The following BCAS4 variants were observed in gnomAD, a reference collection of about 807,000 sequenced individuals.
BCAS4 encodes the protein breast carcinoma-amplified sequence 4.
A neutral mutation model predicts 15.7 loss-of-function variants in BCAS4; 9 were observed. The ratio of observed to expected loss-of-function variants is 0.57; its 90% CI spans 0.34 to 1.00. The LOEUF (loss-of-function observed/expected upper bound fraction) is 1.00, where lower values mean the gene tolerates loss of function less well. Ranked by LOEUF, BCAS4 falls within the 50% of genes least tolerant of loss-of-function variation. BCAS4 has a pLI of 0.02. For missense variants in BCAS4, 225 were observed against 239.1 expected (o/e 0.94, Z 0.39); for synonymous variants, 101 against 99.5 (o/e 1.02, Z -0.09).
intron 4 of BCAS4, among the ~76,000 whole-genome samples, chr20:50,865,921 C>A (rs1486169755): frequency 6.6e-6 from 1 of 152,144 alleles, no homozygotes; most frequent in African/African-American, 2.4e-5. Context: ...CTGGAGCAGA[C>A]ACAAACATTG....
At chr20:50,829,330 C>T (rs1461210458) in intron 2 of BCAS4, among the ~76,000 whole-genome samples, 1 of 152,104 alleles carries the variant, frequency 6.6e-6, no homozygotes, top group African/African-American at 2.4e-5. Context: ...GCAACCTCCG[C>T]CTCCCGGGTT....
intron 4 of BCAS4, among the ~76,000 whole-genome samples, chr20:50,845,871 GCCCCCAGAGA>G (rs1229128370): frequency 2.6e-5 from 4 of 152,364 alleles, no homozygotes; most frequent in Non-Finnish European, 4.4e-5. Context: ...CAGAGGCGCA[GCCCCCAGAGA>G]GGGCAGGCTG....
chr20:50,828,876 C>T (rs78812139), intron 2 of BCAS4, among the ~76,000 whole-genome samples: 2 of 152,102 alleles, frequency 1.3e-5, no homozygotes, highest in African/African-American at 2.4e-5. Context: ...CCACGGGGGG[C>T]ACATCAGAAG....
chr20:50,860,704 C>T (rs1445215650), intron 4 of BCAS4, among the ~76,000 whole-genome samples: 8 of 152,110 alleles, frequency 5.3e-5, no homozygotes, highest in African/African-American at 1.2e-4. Flanking sequence ...GGCGAAACCC[C>T]GTCTCTACTA....
At position 50,851,906 on chromosome 20, in the gene BCAS4, T is replaced by G. The variant is rs1313938871; in HGVS notation, c.399+10006T>G. ...CCTCGTTCATTGCCTGGCGGGCACA[T>G]GGCCTCATCTGCATTTTCTCCTGTT... is the stretch of plus-strand genomic sequence containing the variant. On this transcript the variant is annotated intron_variant, in intron 4 of 4. Coordinates refer to ENST00000371608, the MANE Select transcript of BCAS4 (RefSeq NM_198799.4). The surrounding 1 kb of genome is among the most constrained non-coding windows in gnomAD (Gnocchi z 4.3). Among the ~76,000 whole-genome samples the G allele has an allele frequency of 6.6e-6, 1 of 152,234 alleles. No homozygotes were observed. The highest frequency in any genetic ancestry group is 1.9e-4 in the East Asian group (1 of 5,194).
At chr20:50,872,046 G>A (rs1979671133) in intron 4 of BCAS4, among the ~76,000 whole-genome samples, 1 of 150,766 alleles carries the variant, frequency 6.6e-6, no homozygotes, top group Admixed American at 6.6e-5. Context: ...GATCACTTGA[G>A]GTCAGGAGTT....
At chr20:50,831,623 G>C (rs2123792922) in intron 3 of BCAS4, among the ~76,000 whole-genome samples, 1 of 152,236 alleles carries the variant, frequency 6.6e-6, no homozygotes, top group South Asian at 2.1e-4. Flanking sequence ...TCCTGGAAGA[G>C]GAGCATAAGC....
chr20:50,865,225 C>G (rs1057166771), intron 4 of BCAS4, among the ~76,000 whole-genome samples: 2 of 152,130 alleles, frequency 1.3e-5, no homozygotes, highest in African/African-American at 4.8e-5. Flanking sequence ...CCGGCACAAA[C>G]CATCAATTGA....
At chr20:50,852,208 AC>A (rs1186724719) in intron 4 of BCAS4, among the ~76,000 whole-genome samples, 1 of 151,914 alleles carries the variant, frequency 6.6e-6, no homozygotes, top group African/African-American at 2.4e-5. Context: ...CATTCTTCAC[AC>A]CCCAGGAACT....
chr20:50,817,718 A>AT (rs1402508461), intron 1 of BCAS4, among the ~76,000 whole-genome samples: 27 of 151,566 alleles, frequency 1.8e-4, no homozygotes, highest in Admixed American at 1.5e-3. Context: ...CGCCTCACAC[A>AT]TTTTTTTTGG....
chr20:50,804,286 G>A (rs1246627145), intron 1 of BCAS4, among the ~76,000 whole-genome samples: 1 of 152,128 alleles, frequency 6.6e-6, no homozygotes, highest in African/African-American at 2.4e-5. Context: ...TGATCTGCCC[G>A]CCTGGGCCTC....
chr20:50,802,445 G>C (rs1190143220), intron 1 of BCAS4, among the ~76,000 whole-genome samples: 1 of 152,190 alleles, frequency 6.6e-6, no homozygotes, highest in Non-Finnish European at 1.5e-5. Flanking sequence ...CCCAGGAGTG[G>C]GGGGAGCCTT....
intron 2 of BCAS4, among the ~76,000 whole-genome samples, chr20:50,821,056 C>T (rs900044144): frequency 1.1e-4 from 16 of 152,214 alleles, no homozygotes; most frequent in African/African-American, 2.4e-4. Context: ...GGCAAGCAAG[C>T]GACCACCTGC....
At position 50,851,884 on chromosome 20, in the gene BCAS4, C is replaced by T. The variant is rs1380289766; in HGVS notation, c.399+9984C>T. Among the ~76,000 whole-genome samples the T allele has an allele frequency of 6.6e-6, 1 of 152,270 alleles. No individual in the cohort carries two copies. The highest frequency in any genetic ancestry group is 1.5e-5 in the Non-Finnish European group (1 of 68,046). ...TCTGGGGTCCCCTAACCCAAACCCT[C>T]GTTCATTGCCTGGCGGGCACATGGC... On this transcript the variant is annotated intron_variant, in intron 4 of 4. Transcript: ENST00000371608. This position sits in a 1 kb window ranked among gnomAD's most constrained non-coding sequence, Gnocchi z 4.3.
intron 3 of BCAS4, among the ~76,000 whole-genome samples, chr20:50,838,635 G>A (rs1465908479): frequency 6.6e-6 from 1 of 152,044 alleles, no homozygotes; most frequent in Non-Finnish European, 1.5e-5. Context: ...ACCTGAGATT[G>A]GGAGTTCGAG....
At chr20:50,824,136 G>A (rs1327238539) in intron 2 of BCAS4, among the ~76,000 whole-genome samples, 1 of 152,224 alleles carries the variant, frequency 6.6e-6, no homozygotes, top group Admixed American at 6.5e-5. Flanking sequence ...GATTTGTAAA[G>A]CCTTTCAGCT....
chr20:50,871,599 GCCCCAGGGTAA>G (rs1979647771), intron 4 of BCAS4, among the ~76,000 whole-genome samples: 2 of 152,244 alleles, frequency 1.3e-5, no homozygotes, highest in Non-Finnish European at 2.9e-5. Context: ...AACAGGAAAA[GCCCCAGGGTAA>G]CTCCAGCCTT....
intron 1 of BCAS4, among the ~76,000 whole-genome samples, chr20:50,812,278 G>A (rs561409186): frequency 8.6e-5 from 13 of 151,574 alleles, no homozygotes; most frequent in South Asian, 2.1e-4. Context: ...GACTACAGGC[G>A]CCCACTACCA....
chr20:50,875,810 C>T (rs1376407639), intron 4 of BCAS4, among the ~76,000 whole-genome samples: 3 of 151,928 alleles, frequency 2.0e-5, no homozygotes, highest in Non-Finnish European at 2.9e-5. Context: ...AGTCATGCCA[C>T]CAACCACAGC....
Sources: gnomAD v4.1 joint callset for allele counts (sites outside exome capture counted in the v4.1 genomes callset) on GRCh38, gnomAD v4.1.1 for gene constraint, Gnocchi (gnomAD v3.1) non-coding constraint, MANE v1.5 for transcripts, NCBI Gene and HGNC (gene_info 2026-07-23, HGNC 2026-07-21) for gene names.